PHACTR3: variants seen among roughly 807,000 people sequenced by gnomAD.
PHACTR3 encodes phosphatase and actin regulator 3, also known as protein phosphatase 1, regulatory subunit 123.
Under a neutral mutation model 66.8 loss-of-function variants are expected in PHACTR3, and 16 were observed. The observed-to-expected ratio is 0.24, with a 90% CI of 0.16 to 0.36. The LOEUF (loss-of-function observed/expected upper bound fraction) is 0.36. Among genes scored for constraint, PHACTR3 ranks in the 10% least tolerant of loss-of-function variants. PHACTR3 has a pLI of 1.00. For synonymous variants in PHACTR3, 323 were observed against 292.1 expected, an observed-to-expected ratio of 1.11 and a Z score of -1.08; for missense variants, 647 against 719.9, an observed-to-expected ratio of 0.90 and a Z score of 1.16.
At chr20:59,837,393 T>TG (rs2058985510) in intron 9 of PHACTR3, among the ~76,000 whole-genome samples, 1 of 152,238 alleles carries the variant, frequency 6.6e-6, no homozygotes, top group South Asian at 2.1e-4. Flanking sequence ...GCTGACTTTC[T>TG]GTCAGAAAAT....
At chr20:59,676,948 G>GC (rs1308100104) in intron 1 of PHACTR3, among the ~76,000 whole-genome samples, 1 of 151,578 alleles carries the variant, frequency 6.6e-6, no homozygotes, top group African/African-American at 2.4e-5. Flanking sequence ...GGTGGGGGCT[G>GC]CCCCTCTTGG....
intron 8 of PHACTR3, among the ~76,000 whole-genome samples, chr20:59,814,063 G>A (rs958900772): frequency 5.3e-5 from 8 of 152,230 alleles, no homozygotes; most frequent in African/African-American, 1.2e-4. Flanking sequence ...CACCAAGGAG[G>A]CGCTGGCTAA....
rs1331403491 is a variant in PHACTR3 at position 59,738,192 on chromosome 20, T to C, written c.119-4915T>C. ...CAAAGGGGATGCAGGGAGTCAATGC[T>C]TCAACCTCCTGTTAGTAAGTGGCAG... On this transcript the variant is annotated intron_variant, in intron 1 of 12. Transcript: ENST00000371015. The surrounding 1 kb of genome is among the most constrained non-coding windows in gnomAD (Gnocchi z 4.4). Among the ~76,000 whole-genome samples the C allele has an allele frequency of 6.6e-6, 1 of 152,048 alleles. No homozygotes were observed. Among genetic ancestry groups the C allele is most frequent in the Non-Finnish European group, 1.5e-5 (1 of 68,004 alleles).
In PHACTR3 at chr20:59,688,520, TTC is replaced by T. The variant is rs1403456355; in HGVS notation, c.119-54581_119-54580del. Among the ~76,000 whole-genome samples, 6 of 152,342 alleles carry T rather than the reference TTC, an allele frequency of 3.9e-5. No individual in the cohort carries two copies. In the South Asian group the frequency reaches 6.2e-4, roughly 16 times the overall value. ...CTGAGAATGTTGTCAGTGATCATGTTTCTCTCTTCACTGGAGTTGCTAGGAGT... is the reference window on the plus strand; with the variant it reads ...CTGAGAATGTTGTCAGTGATCATGTTTCTCTTCACTGGAGTTGCTAGGAGT... On this transcript the variant is annotated intron_variant, in intron 1 of 12. Transcript: ENST00000371015.
chr20:59,652,452 G>A (rs2146453741), intron 1 of PHACTR3, among the ~76,000 whole-genome samples: 1 of 152,288 alleles, frequency 6.6e-6, no homozygotes, highest in Non-Finnish European at 1.5e-5. Context: ...TCAGGAGGCT[G>A]AGGCAGGAGG....
intron 7 of PHACTR3, among the ~76,000 whole-genome samples, chr20:59,779,339 G>T (rs185743667): frequency 5.8e-4 from 88 of 152,328 alleles, no homozygotes; most frequent in African/African-American, 1.5e-3. Context: ...CATACAGAAA[G>T]TATATAAATG....
At chr20:59,816,091 A>C (rs1229219167) in intron 8 of PHACTR3, among the ~76,000 whole-genome samples, 2 of 151,686 alleles carry the variant, frequency 1.3e-5, no homozygotes, top group Non-Finnish European at 2.9e-5. Context: ...AATCAGTGGG[A>C]GCCCTGAGCT....
At chr20:59,581,187 C>T (rs918017001) in intron 1 of PHACTR3, among the ~76,000 whole-genome samples, 1 of 152,256 alleles carries the variant, frequency 6.6e-6, no homozygotes, top group Non-Finnish European at 1.5e-5. Flanking sequence ...ACCTGACCTG[C>T]AAAACCTGCC....
intron 1 of PHACTR3, among the ~76,000 whole-genome samples, chr20:59,611,143 T>C (rs2033831664): frequency 6.6e-6 from 1 of 152,238 alleles, no homozygotes; most frequent in Non-Finnish European, 1.5e-5. Context: ...GCAAGTCACT[T>C]TACCTCTCTG....
At chr20:59,840,985 G>A (rs1157777759) in intron 10 of PHACTR3, among the ~76,000 whole-genome samples, 2 of 152,074 alleles carry the variant, frequency 1.3e-5, no homozygotes, top group Non-Finnish European at 2.9e-5. Context: ...CCCCTTCTTC[G>A]TTGTGCTGCT....
At chr20:59,592,532 C>A (rs1402957834) in intron 1 of PHACTR3, among the ~76,000 whole-genome samples, 1 of 152,174 alleles carries the variant, frequency 6.6e-6, no homozygotes, top group Admixed American at 6.5e-5. Flanking sequence ...CCAATTCATT[C>A]ATTTTTTTAA....
intron 1 of PHACTR3, among the ~76,000 whole-genome samples, chr20:59,614,057 G>C (rs561772741): frequency 1.4e-4 from 21 of 152,276 alleles, no homozygotes; most frequent in Middle Eastern, 3.4e-3. Context: ...CTGAGTAACC[G>C]GCCCATGGTC....
intron 11 of PHACTR3, among the ~76,000 whole-genome samples, chr20:59,842,428 TTGTGACTGA>T (rs1162992903): frequency 5.3e-5 from 8 of 152,186 alleles, no homozygotes; most frequent in Non-Finnish European, 1.2e-4. Context: ...GCCTGGTTCT[TTGTGACTGA>T]TGTGCCCAGA....
rs574720371 is a variant in PHACTR3, at chr20:59,820,994, G to A, written c.1328+14800G>A. Among the ~76,000 whole-genome samples the A allele has an allele frequency of 6.6e-6, 1 of 152,288 alleles. No homozygotes were observed. The highest frequency in any genetic ancestry group is 2.4e-5 in the African/African-American group (1 of 41,564). ...CAGTCCTGCTTCACCCAGGATCGGG[G>A]CTTAGCGTGTGTGAGTAGTAGTCAT... On this transcript the variant is annotated intron_variant, in intron 8 of 12. Coordinates refer to ENST00000371015, the MANE Select transcript of PHACTR3 (RefSeq NM_080672.5). The surrounding 1 kb of genome is among the most constrained non-coding windows in gnomAD (Gnocchi z 4.6).
chr20:59,597,094 T>C (rs118170349), intron 1 of PHACTR3, among the ~76,000 whole-genome samples: 2,616 of 152,328 alleles, frequency 0.017, 34 homozygotes, highest in South Asian at 0.054. Context: ...TTTTGGTGGG[T>C]TGGGGAGGCC....
chr20:59,827,331 T>C (rs1395762948), intron 8 of PHACTR3, among the ~76,000 whole-genome samples: 1 of 152,152 alleles, frequency 6.6e-6, no homozygotes, highest in Admixed American at 6.5e-5. Context: ...CCACTGGGGC[T>C]GTTCCTGGTG....
chr20:59,690,950 AC>A, intron 1 of PHACTR3, among the ~76,000 whole-genome samples: 1 of 152,332 alleles, frequency 6.6e-6, no homozygotes, highest in South Asian at 2.1e-4. Flanking sequence ...GAGGGCCATG[AC>A]AACATCCCAA....
chr20:59,585,685 G>C (rs904256033), intron 1 of PHACTR3, among the ~76,000 whole-genome samples: 1 of 152,230 alleles, frequency 6.6e-6, no homozygotes, highest in African/African-American at 2.4e-5. Context: ...GTCCAATGGA[G>C]AGCATGATGG....
intron 1 of PHACTR3, among the ~76,000 whole-genome samples, chr20:59,725,030 G>A (rs944974425): frequency 2.6e-5 from 4 of 151,818 alleles, no homozygotes; most frequent in Admixed American, 6.5e-5. Flanking sequence ...GGGTGGATGT[G>A]AGCCCAGGTG....
Sources: gnomAD v4.1 joint callset for allele counts (sites outside exome capture counted in the v4.1 genomes callset) on GRCh38, gnomAD v4.1.1 for gene constraint, Gnocchi (gnomAD v3.1) non-coding constraint, MANE v1.5 for transcripts, NCBI Gene and HGNC (gene_info 2026-07-23, HGNC 2026-07-21) for gene names.